The following TMEM132D variants were observed in gnomAD, a reference collection of about 807,000 sequenced individuals.
TMEM132D encodes mature OL transmembrane protein.
A neutral mutation model predicts 62.3 loss-of-function variants in TMEM132D; 21 were observed. That is an observed-to-expected ratio of 0.34 (90% confidence interval 0.24 to 0.49). TMEM132D has a LOEUF of 0.49. TMEM132D is among the 20% of genes least tolerant of loss of function. TMEM132D has a pLI of 0.99. For synonymous variants in TMEM132D, 621 were observed against 575.6 expected (o/e 1.08, Z -1.13); for missense variants, 1,346 against 1,402.8 (o/e 0.96, Z 0.65).
chr12:129,413,597 C>T (rs1269340231), intron 3 of TMEM132D, among the ~76,000 whole-genome samples: 2 of 152,156 alleles, frequency 1.3e-5, no homozygotes, highest in Non-Finnish European at 2.9e-5. Context: ...GAATTAGATA[C>T]ATCCTTTTCT....
intron 1 of TMEM132D, among the ~76,000 whole-genome samples, chr12:129,792,460 T>C (rs972055427): frequency 1.5e-4 from 23 of 152,358 alleles, no homozygotes; most frequent in African/African-American, 4.1e-4. Context: ...GCTATTTTTA[T>C]AATCACTGAG....
chr12:129,433,076 C>G (rs1471300576), intron 3 of TMEM132D, among the ~76,000 whole-genome samples: 1 of 152,196 alleles, frequency 6.6e-6, no homozygotes, highest in Non-Finnish European at 1.5e-5. Context: ...GTCTCTGAGG[C>G]TCATCCATCT....
intron 4 of TMEM132D, among the ~76,000 whole-genome samples, chr12:129,241,401 A>G (rs1355322700): frequency 6.6e-6 from 1 of 152,102 alleles, no homozygotes; most frequent in East Asian, 1.9e-4. Flanking sequence ...TCTTCTCCAT[A>G]CACACCGGCA....
At chr12:129,232,480 G>A (rs964376657) in intron 4 of TMEM132D, among the ~76,000 whole-genome samples, 2 of 152,184 alleles carry the variant, frequency 1.3e-5, no homozygotes, top group South Asian at 4.1e-4. Flanking sequence ...GCTCTGCCTT[G>A]CAGGTGAGAC....
intron 4 of TMEM132D, among the ~76,000 whole-genome samples, chr12:129,240,160 C>T (rs1043392452): frequency 9.2e-5 from 14 of 152,190 alleles, no homozygotes; most frequent in African/African-American, 2.2e-4. Flanking sequence ...GCAGTAATCC[C>T]GCCACTCAGA....
chr12:129,705,013 C>T (rs1436913898), intron 1 of TMEM132D, among the ~76,000 whole-genome samples: 1 of 152,122 alleles, frequency 6.6e-6, no homozygotes, highest in Non-Finnish European at 1.5e-5. Flanking sequence ...GTTTCAGATG[C>T]AATAACACAG....
At chr12:129,662,532 C>G (rs779911391) in intron 2 of TMEM132D, among the ~76,000 whole-genome samples, 1 of 152,170 alleles carries the variant, frequency 6.6e-6, no homozygotes, top group Non-Finnish European at 1.5e-5. Context: ...CGATGGCTCA[C>G]GCCCATTATC....
At chr12:129,093,473 A>G (rs1874997722) in intron 5 of TMEM132D, among the ~76,000 whole-genome samples, 1 of 152,176 alleles carries the variant, frequency 6.6e-6, no homozygotes, top group Non-Finnish European at 1.5e-5. Context: ...AATCCAACTT[A>G]CAAGGGATGT....
intron 3 of TMEM132D, among the ~76,000 whole-genome samples, chr12:129,477,609 A>G (rs535710019): frequency 6.6e-6 from 1 of 152,260 alleles, no homozygotes; most frequent in East Asian, 1.9e-4. Flanking sequence ...TCACCAGGTC[A>G]GGAGATCGAG....
At chr12:129,558,652 AGG>A (rs1877128266) in intron 2 of TMEM132D, among the ~76,000 whole-genome samples, 2 of 152,192 alleles carry the variant, frequency 1.3e-5, no homozygotes, top group African/African-American at 4.8e-5. Context: ...TGGGAAAGTC[AGG>A]TGAAGCGTGC....
At chr12:129,393,031 CT>C (rs200776984) in intron 3 of TMEM132D, among the ~76,000 whole-genome samples, 4 of 152,110 alleles carry the variant, frequency 2.6e-5, no homozygotes, top group Admixed American at 6.5e-5. Context: ...AACGAACAGA[CT>C]TTTTTTTCCC....
chr12:129,603,379 A>G (rs1878533269), intron 2 of TMEM132D, among the ~76,000 whole-genome samples: 1 of 152,206 alleles, frequency 6.6e-6, no homozygotes, highest in Admixed American at 6.5e-5. Context: ...AAAATGTTCT[A>G]CAGTTGAAAT....
intron 3 of TMEM132D, among the ~76,000 whole-genome samples, chr12:129,523,887 G>A (rs963199594): frequency 2.5e-4 from 38 of 152,140 alleles, no homozygotes; most frequent in African/African-American, 8.2e-4. Flanking sequence ...TCTCAAGGAG[G>A]CAATGTAGAT....
intron 3 of TMEM132D, among the ~76,000 whole-genome samples, chr12:129,529,774 C>T (rs942904465): frequency 1.3e-5 from 2 of 152,152 alleles, no homozygotes; most frequent in Admixed American, 6.6e-5. Context: ...TCTACCCATC[C>T]GTCCACCCCC....
chr12:129,764,959 C>T (rs894967854), intron 1 of TMEM132D, among the ~76,000 whole-genome samples: 2 of 151,996 alleles, frequency 1.3e-5, no homozygotes, highest in African/African-American at 4.8e-5. Flanking sequence ...AAAGAAAACA[C>T]CCCACTTATG....
chr12:129,760,463 C>T (rs1422386146), intron 1 of TMEM132D, among the ~76,000 whole-genome samples: 1 of 151,168 alleles, frequency 6.6e-6, no homozygotes, highest in African/African-American at 2.4e-5. Context: ...TCCTGAGTAG[C>T]TGGGACTACA....
At chr12:129,336,675 G>C (rs1381131874) in intron 4 of TMEM132D, among the ~76,000 whole-genome samples, 2 of 152,186 alleles carry the variant, frequency 1.3e-5, no homozygotes, top group African/African-American at 4.8e-5. Context: ...GCTCTTGTGG[G>C]ACTGAGGACT....
chr12:129,890,601 T>A (rs1874890840), intron 1 of TMEM132D, among the ~76,000 whole-genome samples: 1 of 152,202 alleles, frequency 6.6e-6, no homozygotes, highest in Non-Finnish European at 1.5e-5. Context: ...AAAAGAGATT[T>A]CTAAAGAGTT....
chr12:129,793,745 C>A (rs2137300456), intron 1 of TMEM132D, among the ~76,000 whole-genome samples: 1 of 152,284 alleles, frequency 6.6e-6, no homozygotes, highest in South Asian at 2.1e-4. Context: ...CCAGTTTCCG[C>A]TTATCTGAAA....
Sources: gnomAD v4.1 joint callset for allele counts (sites outside exome capture counted in the v4.1 genomes callset) on GRCh38, gnomAD v4.1.1 for gene constraint, MANE v1.5 for transcripts, NCBI Gene and HGNC (gene_info 2026-07-23, HGNC 2026-07-21) for gene names.